ZFHX3: variants seen among roughly 807,000 people sequenced by gnomAD.
ZFHX3 encodes zinc finger homeobox protein 3.
In ZFHX3, 42 loss-of-function variants were observed where a neutral mutation model predicts 279.1. That is an observed-to-expected ratio of 0.15 (90% CI 0.12 to 0.19). The LOEUF (loss-of-function observed/expected upper bound fraction) is 0.19, where lower values mean the gene tolerates loss of function less well. ZFHX3 is among the 10% of genes least tolerant of loss of function. The probability of loss-of-function intolerance (pLI) is 1.00; values close to 1 mark genes in which losing one functional copy is unlikely to be tolerated. For missense variants in ZFHX3, 4,981 were observed against 4,754.0 expected, an observed-to-expected ratio of 1.05 and a Z score of -1.40; for synonymous variants, 2,293 against 1,957.8, an observed-to-expected ratio of 1.17 and a Z score of -4.52.
chr16:73,471,176 T>C (rs1222485615), intron 2 of ZFHX3, among the ~76,000 whole-genome samples: 1 of 152,234 alleles, frequency 6.6e-6, no homozygotes, highest in Non-Finnish European at 1.5e-5. Context: ...TGGTGCCGTG[T>C]AGGAATCTTG....
intron 1 of ZFHX3, among the ~76,000 whole-genome samples, chr16:73,042,218 C>A (rs1965144695): frequency 6.6e-6 from 1 of 152,186 alleles, no homozygotes; most frequent in Admixed American, 6.5e-5. Context: ...CTGAGATCAA[C>A]TATCAGATTA....
intron 1 of ZFHX3, among the ~76,000 whole-genome samples, chr16:73,865,939 C>T (rs1393120563): frequency 2.6e-5 from 4 of 151,910 alleles, no homozygotes; most frequent in East Asian, 1.9e-4. Flanking sequence ...GACCCAAGAT[C>T]GCACCACTGC....
At chr16:73,422,558 A>G (rs1420614313) in intron 3 of ZFHX3, among the ~76,000 whole-genome samples, 1 of 152,190 alleles carries the variant, frequency 6.6e-6, no homozygotes, top group Non-Finnish European at 1.5e-5. Flanking sequence ...CCCCAAAGCA[A>G]CTTTCCCTTC....
chr16:73,188,298 G>C (rs531974546), intron 5 of ZFHX3, among the ~76,000 whole-genome samples: 3 of 152,156 alleles, frequency 2.0e-5, no homozygotes, highest in Non-Finnish European at 2.9e-5. Context: ...GGGCTGCAGC[G>C]ATCCTCCGGC....
chr16:73,280,282 A>C (rs1247918331), intron 4 of ZFHX3, among the ~76,000 whole-genome samples: 1 of 152,250 alleles, frequency 6.6e-6, no homozygotes, highest in Non-Finnish European at 1.5e-5. Context: ...GCTTCTGCAC[A>C]GTAAAGGAAA....
chr16:73,376,156 T>G (rs900194073), intron 3 of ZFHX3, among the ~76,000 whole-genome samples: 1 of 152,246 alleles, frequency 6.6e-6, no homozygotes, highest in Non-Finnish European at 1.5e-5. Context: ...TTTTTAACAA[T>G]ACAGACAGCT....
intron 5 of ZFHX3, among the ~76,000 whole-genome samples, chr16:72,825,129 A>C (rs1160350003): frequency 6.6e-6 from 1 of 152,226 alleles, no homozygotes; most frequent in Non-Finnish European, 1.5e-5. Flanking sequence ...GAGCCGAAAG[A>C]GGCCAAGTGC....
At chr16:73,776,837 ACTT>A (rs773149275) in intron 1 of ZFHX3, among the ~76,000 whole-genome samples, 2 of 151,992 alleles carry the variant, frequency 1.3e-5, no homozygotes, top group Non-Finnish European at 2.9e-5. Context: ...AACCGTTCGC[ACTT>A]CTTAAGGTGT....
chr16:73,010,461 T>C (rs1046084799), intron 1 of ZFHX3, among the ~76,000 whole-genome samples: 2 of 152,220 alleles, frequency 1.3e-5, no homozygotes, highest in African/African-American at 4.8e-5. Context: ...CACTAATCCC[T>C]CTTTGTCCAG....
chr16:73,044,732 C>T (rs534334271), intron 1 of ZFHX3, among the ~76,000 whole-genome samples: 5 of 152,342 alleles, frequency 3.3e-5, no homozygotes, highest in Non-Finnish European at 5.9e-5. Flanking sequence ...AGCGATTCTC[C>T]TGCCTCGGCC....
chr16:73,749,594 A>C (rs1259344497), intron 1 of ZFHX3, among the ~76,000 whole-genome samples: 1 of 152,190 alleles, frequency 6.6e-6, no homozygotes, highest in Non-Finnish European at 1.5e-5. Flanking sequence ...CACAACAAAG[A>C]CCAACCAGTG....
intron 2 of ZFHX3, among the ~76,000 whole-genome samples, chr16:73,605,665 A>G (rs1443626901): frequency 2.0e-5 from 3 of 149,894 alleles, no homozygotes; most frequent in Non-Finnish European, 4.4e-5. Flanking sequence ...GGGGTAGGCT[A>G]TGGGGGAAGG....
At chr16:73,674,187 T>G (rs1397690227) in intron 2 of ZFHX3, among the ~76,000 whole-genome samples, 1 of 152,128 alleles carries the variant, frequency 6.6e-6, no homozygotes, top group Non-Finnish European at 1.5e-5. Context: ...TAAATAGTTT[T>G]CATATACAGA....
chr16:73,036,139 C>T (rs1023040432), intron 1 of ZFHX3, among the ~76,000 whole-genome samples: 2 of 151,852 alleles, frequency 1.3e-5, no homozygotes, highest in Non-Finnish European at 2.9e-5. Flanking sequence ...TAGACAGACT[C>T]TCTCTCTCTC....
chr16:72,994,671 G>A (rs1297262366), intron 1 of ZFHX3, among the ~76,000 whole-genome samples: 1 of 152,228 alleles, frequency 6.6e-6, no homozygotes, highest in African/African-American at 2.4e-5. Flanking sequence ...GCTTCTTGAT[G>A]TTGACATCAC....
chr16:73,029,897 A>G (rs1449687788), intron 1 of ZFHX3, among the ~76,000 whole-genome samples: 1 of 152,226 alleles, frequency 6.6e-6, no homozygotes, highest in Non-Finnish European at 1.5e-5. Flanking sequence ...GCAAAATGTC[A>G]ACAAAACAAA....
chr16:72,945,414 C>T lies in ZFHX3; in HGVS notation c.3216+5055G>A, dbSNP rs190479429. Reference sequence around the variant, plus strand: ...TCTCAGTAAGAACCCATCAGGCCCACGTGCAGCCTCCCAGCCCAGCTGCAG... The same window carrying T: ...TCTCAGTAAGAACCCATCAGGCCCATGTGCAGCCTCCCAGCCCAGCTGCAG... On this transcript the variant is annotated intron_variant, in intron 3 of 9. Coordinates refer to ENST00000268489, the MANE Select transcript of ZFHX3 (RefSeq NM_006885.4). Among the ~76,000 whole-genome samples, 15 of 152,256 alleles carry T rather than the reference C, an allele frequency of 9.9e-5. No individual in the cohort carries two copies. The East Asian group carries it at 2.3e-3, about 24-fold the overall frequency.
intron 1 of ZFHX3, among the ~76,000 whole-genome samples, chr16:73,797,283 A>T (rs1331524577): frequency 1.3e-5 from 2 of 152,308 alleles, no homozygotes; most frequent in Admixed American, 6.5e-5. Context: ...TGTAGCATCC[A>T]AGATGAAGCA....
At chr16:73,219,799 T>C (rs1339441864) in intron 5 of ZFHX3, among the ~76,000 whole-genome samples, 1 of 152,062 alleles carries the variant, frequency 6.6e-6, no homozygotes, top group Non-Finnish European at 1.5e-5. Context: ...AAAAATATGT[T>C]TGGAGGCTGG....
Sources: gnomAD v4.1 joint callset for allele counts (sites outside exome capture counted in the v4.1 genomes callset) on GRCh38, gnomAD v4.1.1 for gene constraint, MANE v1.5 for transcripts, NCBI Gene and HGNC (gene_info 2026-07-23, HGNC 2026-07-21) for gene names.